CPAMD8: variants seen among roughly 807,000 people sequenced by gnomAD.
The protein encoded by CPAMD8 is C3 and PZP-like alpha-2-macroglobulin domain-containing protein 8.
A neutral mutation model predicts 224.7 loss-of-function variants in CPAMD8; 146 were observed. That is an observed-to-expected ratio of 0.65 (90% CI 0.57 to 0.75). The LOEUF is 0.75. CPAMD8 is among the 30% of genes least tolerant of loss of function. The pLI is 0.00. For synonymous variants in CPAMD8, 966 were observed against 1,044.6 expected (o/e 0.92, Z 1.45); for missense variants, 2,301 against 2,537.5 (o/e 0.91, Z 2.00).
intron 19 of CPAMD8, among the ~76,000 whole-genome samples, chr19:16,956,721 G>T (rs926893031): frequency 6.6e-6 from 1 of 151,846 alleles, no homozygotes; most frequent in Non-Finnish European, 1.5e-5. Context: ...AGGCTGGAGA[G>T]CAGTGGCGCC....
intron 29 of CPAMD8, among the ~76,000 whole-genome samples, chr19:16,912,758 A>G (rs972884591): frequency 4.6e-5 from 7 of 152,136 alleles, no homozygotes; most frequent in Non-Finnish European, 1.5e-5. Context: ...GAGCTGAAAA[A>G]AAAAAGTCTC....
chr19:16,953,302 G>C (rs540690840), intron 19 of CPAMD8, among the ~76,000 whole-genome samples: 15 of 144,352 alleles, frequency 1.0e-4, no homozygotes, highest in Non-Finnish European at 2.0e-4. Flanking sequence ...CATTGGGTTT[G>C]ACAATGATTT....
intron 19 of CPAMD8, among the ~76,000 whole-genome samples, chr19:16,954,551 T>C (rs1374722780): frequency 6.6e-6 from 1 of 152,138 alleles, no homozygotes; most frequent in Non-Finnish European, 1.5e-5. Flanking sequence ...AAGCAGGGTC[T>C]CAAAGGGATA....
chr19:16,959,427 G>A (rs780333417), intron 18 of CPAMD8, among the ~76,000 whole-genome samples: 1 of 151,676 alleles, frequency 6.6e-6, no homozygotes, highest in South Asian at 2.1e-4. Context: ...CACCCGCCTC[G>A]GCCTCCCAAA....
Position 16,899,835 on chromosome 19 carries a change from G to T in CPAMD8, c.4774-286C>A, listed in dbSNP as rs1312943041. Among the ~76,000 whole-genome samples, 1 of 151,772 alleles carries T rather than the reference G, an allele frequency of 6.6e-6. No individual in the cohort carries two copies. Among genetic ancestry groups the T allele is most frequent in the Non-Finnish European group, 1.5e-5 (1 of 67,996 alleles). On this transcript the variant is annotated intron_variant, in intron 36 of 41. Transcript: ENST00000443236. This position sits in a 1 kb window ranked among gnomAD's most constrained non-coding sequence, Gnocchi z 5.4. Reference sequence around the variant, plus strand: ...CTTCTCCGTGGCCAAAGAGGTGCCCGGCTGAGCCCTGCCGCCTGCTGGTGT... The same window carrying T: ...CTTCTCCGTGGCCAAAGAGGTGCCCTGCTGAGCCCTGCCGCCTGCTGGTGT...
At chr19:16,959,252 C>A (rs1216198891) in intron 18 of CPAMD8, among the ~76,000 whole-genome samples, 2 of 151,456 alleles carry the variant, frequency 1.3e-5, no homozygotes, top group African/African-American at 4.9e-5. Context: ...CTGCTCACTG[C>A]AACCTCCACC....
At position 16,997,225 on chromosome 19, in the gene CPAMD8, C is replaced by T. The variant is rs753387003; in HGVS notation, c.981G>A (p.Gly327=). ...SIWAMVTSVD[G]SQQVAFDDST... ...AGTCATCGAACGCGACCTGCTGGCTCCCGTCCACACTGGTCACCATGGCCC... is the reference window on the plus strand; with the variant it reads ...AGTCATCGAACGCGACCTGCTGGCTTCCGTCCACACTGGTCACCATGGCCC... The change falls in exon 11 of 42, where the codon GGG becomes GGA. Residue 327 remains glycine, a synonymous_variant. Coordinates refer to ENST00000443236, the MANE Select transcript of CPAMD8 (RefSeq NM_015692.5). 1.3e-6 allele frequency: 2 copies of T among 1,562,442 alleles called. No individual in the cohort carries two copies. The highest frequency in any genetic ancestry group is 2.2e-5 in the South Asian group (2 of 89,922).
At chr19:16,993,187 T>C (rs897974928) in intron 12 of CPAMD8, among the ~76,000 whole-genome samples, 18 of 152,170 alleles carry the variant, frequency 1.2e-4, no homozygotes, top group African/African-American at 4.3e-4. Flanking sequence ...GAGATCTCCT[T>C]GGACAAGACT....
chr19:16,999,324 T>C (rs1343999370), intron 10 of CPAMD8, among the ~76,000 whole-genome samples: 1 of 151,988 alleles, frequency 6.6e-6, no homozygotes, highest in Non-Finnish European at 1.5e-5. Context: ...CTCACGCCTG[T>C]AATCCCAGCA....
chr19:16,896,372 A>G, intron 40 of CPAMD8, 46 bp from the exon 41 acceptor site: 1 of 1,544,596 alleles, frequency 6.5e-7, no homozygotes, highest in Non-Finnish European at 8.7e-7. Context: ...CGGGGAGGGG[A>G]CCCAAGGGCC....
intron 23 of CPAMD8, among the ~76,000 whole-genome samples, chr19:16,930,508 C>A (rs2053514178): frequency 6.6e-6 from 1 of 152,106 alleles, no homozygotes; most frequent in Non-Finnish European, 1.5e-5. Flanking sequence ...AGAGAAGTGA[C>A]AAGAAACACC....
rs1202103637 is a variant in CPAMD8 at position 16,897,951 on chromosome 19, C to T, written c.4892G>A (p.Arg1631Gln). 3 of 1,611,146 alleles carry T rather than the reference C, an allele frequency of 1.9e-6. No individual in the cohort carries two copies. Among genetic ancestry groups the T allele is most frequent in the Non-Finnish European group, 1.7e-6 (2 of 1,179,374 alleles). The stretch of plus-strand genomic sequence containing the variant: ...CGACGTCCTGCCCACCACGCACTCC[C>T]GGAGAGCACGGAACCGCACGCACGT... Reference protein sequence around the residue: ...CLTCVRFRALRECVVGRTSAL... With the variant: ...CLTCVRFRALQECVVGRTSAL... Residue 1631 changes from arginine (R) to glutamine (Q), a missense_variant, in exon 38 of 42, where the codon CGG becomes CAG. Arg to Gln is a conservative substitution (Grantham distance 43). Around this residue, in one of 4 missense-constraint regions of CPAMD8, gnomAD observed 1,709 missense variants for 1,753.2 expected, o/e 0.97. Transcript: ENST00000443236.
intron 6 of CPAMD8, 97 bp downstream of exon 6, chr19:17,009,206 C>T: frequency 6.2e-7 from 1 of 1,607,122 alleles, no homozygotes; most frequent in East Asian, 2.2e-5. Context: ...GCGGCTCAAC[C>T]CAGAAGGCAG....
intron 30 of CPAMD8, among the ~76,000 whole-genome samples, chr19:16,905,387 C>G (rs1346225660): frequency 6.6e-6 from 1 of 151,502 alleles, no homozygotes; most frequent in African/African-American, 2.4e-5. Context: ...CGAGACCAGC[C>G]TGACTAACAT....
At chr19:17,022,223 C>T in intron 1 of CPAMD8, 42 bp from the exon 2 acceptor site, 1 of 1,588,322 alleles carries the variant, frequency 6.3e-7, no homozygotes, top group Non-Finnish European at 8.6e-7. Flanking sequence ...CACCCCAGAC[C>T]CCTGGTCTCG....
At chr19:16,913,114 T>C (rs898571333) in intron 29 of CPAMD8, among the ~76,000 whole-genome samples, 2 of 152,130 alleles carry the variant, frequency 1.3e-5, no homozygotes, top group African/African-American at 4.8e-5. Context: ...CTGGGTGCTG[T>C]CCATTCCAAC....
intron 14 of CPAMD8, among the ~76,000 whole-genome samples, chr19:16,979,217 TATCC>T (rs368813862): frequency 0.023 from 3,338 of 146,566 alleles, 52 homozygotes; most frequent in African/African-American, 0.056. Flanking sequence ...GCCCACCCAC[TATCC>T]ATCCATCCAT....
chr19:17,020,244 G>A, intron 3 of CPAMD8, 87 bp downstream of exon 3: 1 of 1,018,888 alleles, frequency 9.8e-7, no homozygotes, highest in Admixed American at 1.7e-5. Context: ...AAAGTGCTGG[G>A]ATTACATGTG....
chr19:16,987,172 A>AC (rs1568566095), intron 13 of CPAMD8, among the ~76,000 whole-genome samples: 3 of 101,464 alleles, frequency 3.0e-5, no homozygotes, highest in Non-Finnish European at 5.6e-5. Flanking sequence ...AAAAAAAAAA[A>AC]AAAAAAAATA....
Sources: gnomAD v4.1 joint callset for allele counts (sites outside exome capture counted in the v4.1 genomes callset) on GRCh38, gnomAD v4.1.1 for gene constraint, gnomAD v4.1.1 regional missense constraint, Gnocchi (gnomAD v3.1) non-coding constraint, MANE v1.5 for transcripts, NCBI Gene and HGNC (gene_info 2026-07-23, HGNC 2026-07-21) for gene names.